Variants in BTRC observed in about 807,000 individuals in gnomAD.
BTRC encodes beta-transducin repeat containing E3 ubiquitin protein ligase.
A neutral mutation model predicts 85.5 loss-of-function variants in BTRC; 42 were observed. That is an observed-to-expected ratio of 0.49 (90% CI 0.38 to 0.64). BTRC has a LOEUF of 0.64. Among genes scored for constraint, BTRC ranks in the 30% least tolerant of loss-of-function variants. The pLI is 0.00. For missense variants in BTRC, 594 were observed against 743.5 expected (o/e 0.80, Z 2.34); for synonymous variants, 255 against 263.3 (o/e 0.97, Z 0.30).
intron 2 of BTRC, among the ~76,000 whole-genome samples, chr10:101,459,729 G>A (rs1945172887): frequency 6.6e-6 from 1 of 152,118 alleles, no homozygotes; most frequent in African/African-American, 2.4e-5. Context: ...AGCTCCCTTT[G>A]TGTTTTCATT....
intron 1 of BTRC, among the ~76,000 whole-genome samples, chr10:101,387,303 G>C (rs2133973058): frequency 6.6e-6 from 1 of 151,398 alleles, no homozygotes; most frequent in East Asian, 1.9e-4. Flanking sequence ...ATGTATCTCA[G>C]TCATTTATTT....
At chr10:101,479,318 G>A (rs769838165) in intron 3 of BTRC, 50 bp from the exon 4 acceptor site, 3 of 1,328,550 alleles carry the variant, frequency 2.3e-6, no homozygotes, top group African/African-American at 1.4e-5. Context: ...ACAGGATATG[G>A]CAGTATTTCA....
At chr10:101,406,069 G>A (rs1943611628) in intron 1 of BTRC, among the ~76,000 whole-genome samples, 1 of 151,642 alleles carries the variant, frequency 6.6e-6, no homozygotes, top group Non-Finnish European at 1.5e-5. Flanking sequence ...TTAGTTCTGA[G>A]TTTTTTGCTT....
intron 2 of BTRC, among the ~76,000 whole-genome samples, chr10:101,448,181 T>G (rs1589481074): frequency 6.6e-6 from 1 of 152,168 alleles, no homozygotes; most frequent in East Asian, 1.9e-4. Flanking sequence ...GACCTTAGGC[T>G]TAAGAGAAAT....
At chr10:101,482,309 CT>C (rs1324117042) in intron 4 of BTRC, among the ~76,000 whole-genome samples, 2 of 151,940 alleles carry the variant, frequency 1.3e-5, no homozygotes, top group Non-Finnish European at 2.9e-5. Context: ...GTGTGAGCCA[CT>C]GTGCCTGGCC....
chr10:101,379,103 C>G (rs1486125722), intron 1 of BTRC, among the ~76,000 whole-genome samples: 2 of 152,164 alleles, frequency 1.3e-5, no homozygotes, highest in African/African-American at 4.8e-5. Flanking sequence ...TGAGAAGAAT[C>G]CTGCTTTATC....
intron 1 of BTRC, among the ~76,000 whole-genome samples, chr10:101,403,620 T>TA (rs1367049101): frequency 1.3e-5 from 2 of 152,106 alleles, no homozygotes; most frequent in Non-Finnish European, 2.9e-5. Context: ...GAGACAGGTC[T>TA]AGCTCTGTTG....
intron 2 of BTRC, among the ~76,000 whole-genome samples, chr10:101,457,208 C>T (rs976260259): frequency 1.1e-4 from 16 of 152,166 alleles, no homozygotes; most frequent in African/African-American, 3.9e-4. Context: ...TGATGTGAGA[C>T]AGTAAAATGT....
intron 1 of BTRC, among the ~76,000 whole-genome samples, chr10:101,409,267 C>T (rs1203454681): frequency 6.6e-6 from 1 of 152,212 alleles, no homozygotes; most frequent in East Asian, 1.9e-4. Flanking sequence ...CACCAATCTG[C>T]ATTCTGCCCA....
chr10:101,522,013 GCTTTTTTTTTT>G, intron 5 of BTRC, 143 bp downstream of exon 5: 6 of 80,790 alleles, frequency 7.4e-5, no homozygotes, highest in Non-Finnish European at 1.0e-4. Flanking sequence ...TTGATATAAA[GCTTTTTTTTTT>G]TTTTTTTTTT....
chr10:101,367,053 TATATAA>T (rs1942481013), intron 1 of BTRC, among the ~76,000 whole-genome samples: 2 of 74,116 alleles, frequency 2.7e-5, no homozygotes, highest in South Asian at 3.3e-4. Context: ...AATATATATA[TATATAA>T]ATATAAATAT....
At chr10:101,499,474 C>T (rs181906249) in intron 4 of BTRC, among the ~76,000 whole-genome samples, 91 of 152,052 alleles carry the variant, frequency 6.0e-4, no homozygotes, top group Non-Finnish European at 1.0e-3. Flanking sequence ...GTGATCTGCC[C>T]ACCTCGGCCT....
At chr10:101,408,166 C>T (rs554986388) in intron 1 of BTRC, among the ~76,000 whole-genome samples, 3 of 152,030 alleles carry the variant, frequency 2.0e-5, no homozygotes, top group Non-Finnish European at 2.9e-5. Context: ...GCTCAGTAGC[C>T]GTATGTGACT....
At chr10:101,477,293 G>T (rs1589523193) in intron 3 of BTRC, among the ~76,000 whole-genome samples, 1 of 151,708 alleles carries the variant, frequency 6.6e-6, no homozygotes, top group African/African-American at 2.4e-5. Flanking sequence ...TAGCCACCAG[G>T]CCCCACCGTG....
At chr10:101,460,316 C>A (rs549678961) in intron 2 of BTRC, among the ~76,000 whole-genome samples, 1 of 152,008 alleles carries the variant, frequency 6.6e-6, no homozygotes, top group South Asian at 2.1e-4. Context: ...TCTTACATAG[C>A]ATGTATTGCC....
intron 4 of BTRC, among the ~76,000 whole-genome samples, chr10:101,493,055 A>G (rs1456841478): frequency 2.0e-5 from 3 of 152,170 alleles, no homozygotes; most frequent in African/African-American, 7.2e-5. Context: ...GGAGGTTTCA[A>G]TTGTTAGTTA....
At chr10:101,495,881 C>T (rs1946246517) in intron 4 of BTRC, among the ~76,000 whole-genome samples, 3 of 145,108 alleles carry the variant, frequency 2.1e-5, no homozygotes. Context: ...ATGAAAAGAC[C>T]ATTACCGGAG....
chr10:101,524,598 C>T (rs1360657274), intron 5 of BTRC, among the ~76,000 whole-genome samples: 1 of 152,022 alleles, frequency 6.6e-6, no homozygotes, highest in Non-Finnish European at 1.5e-5. Flanking sequence ...AAATTACTTC[C>T]AAAGACTTAT....
At chr10:101,461,475 A>G (rs532816357) in intron 2 of BTRC, among the ~76,000 whole-genome samples, 1 of 152,292 alleles carries the variant, frequency 6.6e-6, no homozygotes, top group South Asian at 2.1e-4. Flanking sequence ...TCTAATCCTA[A>G]ACTACTGAGT....
Sources: allele counts gnomAD v4.1 joint callset (sites outside exome capture counted in the v4.1 genomes callset), GRCh38; gene constraint gnomAD v4.1.1; transcripts MANE v1.5; gene names NCBI Gene and HGNC (gene_info 2026-07-23, HGNC 2026-07-21).